The following TOP2B variants were observed in gnomAD, a reference collection of about 807,000 sequenced individuals.
TOP2B encodes DNA topoisomerase 2-beta.
Under a neutral mutation model 193.5 loss-of-function variants are expected in TOP2B, and 51 were observed. The observed-to-expected ratio is 0.26, with a 90% CI of 0.21 to 0.33. TOP2B has a LOEUF of 0.33. Among genes scored for constraint, TOP2B ranks in the 10% least tolerant of loss-of-function variants. The pLI is 1.00. For missense variants in TOP2B, 1,378 were observed against 1,909.3 expected (o/e 0.72, Z 5.19); for synonymous variants, 634 against 635.7 (o/e 1.00, Z 0.04).
At chr3:25,630,982 C>A in intron 10 of TOP2B, 43 bp from the exon 11 acceptor site, 2 of 1,524,570 alleles carry the variant, frequency 1.3e-6, no homozygotes, top group Non-Finnish European at 1.8e-6. Flanking sequence ...GCTGAAAATT[C>A]ATACATTTAG....
At position 25,615,625 on chromosome 3, in the gene TOP2B, A is replaced by G. The variant is rs767811765; in HGVS notation, c.3352-39T>C. ...CAAACTGTATATTAAAGTCTTGTAT[A>G]GTATCAAATTAATGTTGAATTTTAT... is the stretch of plus-strand genomic sequence containing the variant. On this transcript the variant is annotated intron_variant, in intron 25 of 35. Transcript: ENST00000264331. 3.6e-6 allele frequency: 5 copies of G among 1,372,770 alleles called. No homozygotes were observed. In the African/African-American group the frequency reaches 4.5e-5, roughly 12 times the overall value. 85.0% of individuals were successfully genotyped at this position (1,372,770 alleles called of 1,614,324 possible).
intron 25 of TOP2B, 65 bp downstream of exon 25, chr3:25,618,353 T>C: frequency 8.1e-7 from 1 of 1,241,426 alleles, no homozygotes; most frequent in Non-Finnish European, 1.2e-6. Context: ...AGGGGTTGAA[T>C]TTTTGTTTGT....
In TOP2B at chr3:25,626,820, T is replaced by C. The variant is rs1465271056; in HGVS notation, c.2061A>G (p.Thr687=). 6.2e-7 allele frequency: 1 copy of C among 1,607,066 alleles called. No homozygotes were observed. The highest frequency in any genetic ancestry group is 1.1e-5 in the South Asian group (1 of 90,118). ...GCTGTCTCCGGTCTTCCATAAAATT[T>C]GTTAACCATTCTTTTCTGTCATCAA... is the stretch of plus-strand genomic sequence containing the variant. The part of the protein sequence containing the change: ...KKIDDRKEWL[T]NFMEDRRQRR... Residue 687 remains threonine, a synonymous_variant, in exon 17 of 36, where the codon ACA becomes ACG. Transcript: ENST00000264331.
chr3:25,626,148 C>T (rs1702796273), intron 18 of TOP2B, among the ~76,000 whole-genome samples: 1 of 151,664 alleles, frequency 6.6e-6, no homozygotes, highest in Admixed American at 6.6e-5. Flanking sequence ...AGAAATAGTT[C>T]CTAAATTTTT....
intron 30 of TOP2B, 128 bp downstream of exon 30, chr3:25,609,055 T>C: frequency 2.6e-6 from 2 of 771,780 alleles, no homozygotes; most frequent in South Asian, 4.3e-5. Flanking sequence ...AAGGCAATTT[T>C]TTCCTTCTTC....
rs762553343 is a variant in TOP2B, at chr3:25,623,542, C to A, written c.2700G>T (p.Met900Ile). The part of the protein sequence containing the change: ...AREIVNNVRR[M>I]LDGLDPHPML... ...TGGGATGAGGATCCAGGCCATCTAG[C>A]ATTCGTCTGACATTGTTCACAATTT... Residue 900 changes from methionine (M) to isoleucine (I), a missense_variant, in exon 21 of 36, where the codon ATG becomes ATT. Transcript: ENST00000264331. The A allele has an allele frequency of 1.2e-6, 2 of 1,613,930 alleles. No homozygotes were observed. The highest frequency in any genetic ancestry group is 2.7e-5 in the African/African-American group (2 of 75,022).
At chr3:25,602,417 A>AAAAAG (rs1702123506) in intron 33 of TOP2B, among the ~76,000 whole-genome samples, 10 of 69,826 alleles carry the variant, frequency 1.4e-4, no homozygotes, top group African/African-American at 6.2e-4. Context: ...AAAGAAAAAG[A>AAAAAG]AAAAAAAAAA....
At chr3:25,610,258 T>C (rs547427355) in intron 28 of TOP2B, among the ~76,000 whole-genome samples, 8 of 150,790 alleles carry the variant, frequency 5.3e-5, no homozygotes, top group South Asian at 2.1e-4. Flanking sequence ...CACTGTAAGG[T>C]AGACCCCAAC....
intron 15 of TOP2B, among the ~76,000 whole-genome samples, chr3:25,627,822 C>A (rs1702846033): frequency 6.6e-6 from 1 of 151,216 alleles, no homozygotes; most frequent in African/African-American, 2.4e-5. Flanking sequence ...GTAATCCCAG[C>A]ACTTTGGGAG....
chr3:25,614,596 A>G (rs921012534), intron 27 of TOP2B, among the ~76,000 whole-genome samples: 21 of 152,122 alleles, frequency 1.4e-4, no homozygotes, highest in Non-Finnish European at 2.5e-4. Flanking sequence ...TAGAGCATGT[A>G]GACAATAAAT....
intron 25 of TOP2B, chr3:25,618,217 G>A (rs1235150095): frequency 1.9e-6 from 1 of 532,652 alleles, no homozygotes; most frequent in Non-Finnish European, 3.3e-6. Context: ...GAGTCACACT[G>A]GCCAAGTGCT....
At chr3:25,622,624 A>G (rs1223897168) in intron 21 of TOP2B, among the ~76,000 whole-genome samples, 1 of 147,358 alleles carries the variant, frequency 6.8e-6, no homozygotes, top group Non-Finnish European at 1.5e-5. Flanking sequence ...CAACAAACAT[A>G]AAAAAAAAAT....
In TOP2B at chr3:25,642,338, T is replaced by C. The variant is rs976190364; in HGVS notation, c.379A>G (p.Lys127Glu). The change falls in exon 4 of 36, where the codon AAA (lysine) becomes GAA (glutamate). Residue 127 changes from lysine (K) to glutamate (E), a missense_variant. Lys to Glu is a moderately conservative substitution (Grantham distance 56). Around this residue, in one of 9 missense-constraint regions of TOP2B, gnomAD observed 21 missense variants for 19.6 expected, o/e 1.07. Coordinates refer to ENST00000264331, the MANE Select transcript of TOP2B (RefSeq NM_001330700.2). Reference sequence around the variant, plus strand: ...TATACTTACGGATCAATAGAAACTTTAATACAAGTCATGTTCTTATCCCTC... The same window carrying C: ...TATACTTACGGATCAATAGAAACTTCAATACAAGTCATGTTCTTATCCCTC... The part of the protein sequence containing the change: ...KQRDKNMTCI[K>E]VSIDPESNII... 8 of 1,545,948 alleles carry C rather than the reference T, an allele frequency of 5.2e-6. No homozygotes were observed. Among genetic ancestry groups the C allele is most frequent in the Non-Finnish European group, 6.1e-6 (7 of 1,142,870 alleles).
intron 25 of TOP2B, 68 bp downstream of exon 25, chr3:25,618,350 G>C: frequency 1.7e-6 from 2 of 1,194,228 alleles, no homozygotes; most frequent in Middle Eastern, 1.9e-4. Context: ...TTTAGGGGTT[G>C]AATTTTTGTT....
chr3:25,631,241 C>T (rs1702947642), intron 10 of TOP2B, among the ~76,000 whole-genome samples: 1 of 151,902 alleles, frequency 6.6e-6, no homozygotes, highest in Non-Finnish European at 1.5e-5. Flanking sequence ...TTAAAATTAA[C>T]ACAGTGAAAA....
intron 31 of TOP2B, among the ~76,000 whole-genome samples, chr3:25,606,402 A>T (rs1296812564): frequency 6.6e-6 from 1 of 152,162 alleles, no homozygotes; most frequent in Non-Finnish European, 1.5e-5. Flanking sequence ...GAAACTAAGC[A>T]ATGGTTTAAA....
chr3:25,638,183 C>G lies in TOP2B; in HGVS notation c.523G>C (p.Asp175His). The stretch of plus-strand genomic sequence containing the variant: ...ACTTTACCTGTAACTTTTTTCTCAT[C>G]ATCATCATAGTTACTGGATGTTAAA... ...QLLTSSNYDD[D>H]EKKVTGGRNG... is the part of the protein sequence containing the mutation. The change falls in exon 5 of 36, where the codon GAT becomes CAT. Residue 175 changes from aspartate (D) to histidine (H), a missense_variant. Asp to His is a moderately conservative substitution (Grantham distance 81). Coordinates refer to ENST00000264331, the MANE Select transcript of TOP2B (RefSeq NM_001330700.2). 1 of 1,568,526 alleles carries G rather than the reference C, an allele frequency of 6.4e-7. No homozygotes were observed.
chr3:25,603,162 G>C (rs1157017174), intron 33 of TOP2B, among the ~76,000 whole-genome samples: 3 of 152,174 alleles, frequency 2.0e-5, no homozygotes, highest in Non-Finnish European at 4.4e-5. Context: ...GTTTCAGGAA[G>C]TAATACGGCT....
At chr3:25,620,598 C>T in intron 22 of TOP2B, 84 bp downstream of exon 22, 1 of 1,453,100 alleles carries the variant, frequency 6.9e-7, no homozygotes, top group Non-Finnish European at 9.2e-7. Context: ...ACGCTTAGGA[C>T]CAACAACGGT....
Sources: gnomAD v4.1 joint callset for allele counts (sites outside exome capture counted in the v4.1 genomes callset) on GRCh38, gnomAD v4.1.1 for gene constraint, gnomAD v4.1.1 regional missense constraint, MANE v1.5 for transcripts, NCBI Gene and HGNC (gene_info 2026-07-23, HGNC 2026-07-21) for gene names.